Variants in CRB2 observed in about 807,000 individuals in gnomAD.
CRB2 encodes the protein protein crumbs homolog 2.
A neutral mutation model predicts 110.9 loss-of-function variants in CRB2; 85 were observed. The observed-to-expected ratio is 0.77, with a 90% confidence interval of 0.64 to 0.92. CRB2 has a LOEUF of 0.92. Among genes scored for constraint, CRB2 ranks in the 40% least tolerant of loss-of-function variants. The pLI is 0.00. For synonymous variants in CRB2, 907 were observed against 831.0 expected (o/e 1.09, Z -1.57); for missense variants, 1,843 against 1,851.3 (o/e 1.00, Z 0.08).
chr9:123,364,560 G>A (rs1157521838), intron 2 of CRB2, among the ~76,000 whole-genome samples: 1 of 152,160 alleles, frequency 6.6e-6, no homozygotes, highest in Non-Finnish European at 1.5e-5. Flanking sequence ...GTGGGAGTGG[G>A]GATGGGGAGG....
chr9:123,363,931 C>T (rs1451413172), intron 2 of CRB2, among the ~76,000 whole-genome samples: 2 of 152,178 alleles, frequency 1.3e-5, no homozygotes, highest in South Asian at 2.1e-4. Context: ...AGTCTGGGAG[C>T]GAAGCTGAGT....
upstream of CRB2, among the ~76,000 whole-genome samples, chr9:123,355,122 C>A (rs1331383068): frequency 6.6e-6 from 1 of 152,196 alleles, no homozygotes; most frequent in Non-Finnish European, 1.5e-5. Context: ...GATTCTCTCC[C>A]CACTGGGGCT....
intron 5 of CRB2, 103 bp from the exon 6 acceptor site, chr9:123,367,470 G>A: frequency 1.0e-6 from 1 of 963,452 alleles, no homozygotes; most frequent in Non-Finnish European, 1.4e-6. Flanking sequence ...ACCCGAGTCT[G>A]CCCTCTCTCT....
upstream of CRB2, among the ~76,000 whole-genome samples, chr9:123,355,453 GT>G (rs569018971): frequency 3.8e-3 from 584 of 151,918 alleles, 6 homozygotes; most frequent in Middle Eastern, 6.8e-3. Context: ...GAAAGGTTCA[GT>G]TTGGCTGGTG....
In CRB2 at chr9:123,377,334, C is replaced by A; in HGVS notation, c.*272C>A. On this transcript the variant is annotated 3_prime_UTR_variant, in exon 13 of 13. Coordinates refer to ENST00000373631, the MANE Select transcript of CRB2 (RefSeq NM_173689.7). ...GTGCGTGGGAGGGCACACGTGGGTT[C>A]ACAGTGTGTTCAGGAGTGTGTGTAT... 1 of 473,288 alleles carries A rather than the reference C, an allele frequency of 2.1e-6. No homozygotes were observed. Among genetic ancestry groups the A allele is most frequent in the Non-Finnish European group, 3.8e-6 (1 of 263,986 alleles). 29.3% of individuals were successfully genotyped at this position (473,288 alleles called of 1,614,324 possible). A position where few individuals can be genotyped will look rare whatever the true frequency, so the allele number is the denominator to read the frequency against.
chr9:123,364,064 TG>T (rs1289554369), intron 2 of CRB2, among the ~76,000 whole-genome samples: 1 of 151,924 alleles, frequency 6.6e-6, no homozygotes, highest in Non-Finnish European at 1.5e-5. Flanking sequence ...AGGTACAGAT[TG>T]GGGGGCTGGG....
chr9:123,379,246 C>T (rs1366965011), downstream of CRB2, among the ~76,000 whole-genome samples: 1 of 152,114 alleles, frequency 6.6e-6, no homozygotes, highest in Non-Finnish European at 1.5e-5. Context: ...GGTCTGCATT[C>T]CCCCGCCCGC....
intron 10 of CRB2, 119 bp from the exon 11 acceptor site, chr9:123,374,460 A>G (rs2042072605): frequency 1.4e-6 from 1 of 705,958 alleles, no homozygotes. Context: ...CATGCCCAAT[A>G]GAGGAAGGCC....
At position 123,373,859 on chromosome 9, in the gene CRB2, A is replaced by G. The variant is rs1449958262; in HGVS notation, c.3328A>G (p.Thr1110Ala). The change falls in exon 10 of 13, where the codon ACG (threonine) becomes GCG (alanine). Residue 1110 changes from threonine to alanine, a missense_variant. Thr to Ala is a moderately conservative substitution (Grantham distance 58). Coordinates refer to ENST00000373631, the MANE Select transcript of CRB2 (RefSeq NM_173689.7). Reference sequence around the variant, plus strand: ...CCCCTGCGCCCGTGGCCGCTGTCACACGCACCCCGACGGCCGCTTCGAGTG... The same window carrying G: ...CCCCTGCGCCCGTGGCCGCTGTCACGCGCACCCCGACGGCCGCTTCGAGTG... Reference protein sequence around the residue: ...SAPCARGRCHTHPDGRFECRC... With the variant: ...SAPCARGRCHAHPDGRFECRC... 6.4e-7 allele frequency: 1 copy of G among 1,554,598 alleles called. No homozygotes were observed. The highest frequency in any genetic ancestry group is 1.2e-5 in the South Asian group (1 of 85,330).
intron 6 of CRB2, 91 bp downstream of exon 6, chr9:123,367,777 G>A: frequency 2.3e-6 from 2 of 868,600 alleles, no homozygotes; most frequent in East Asian, 2.7e-5. Flanking sequence ...GATTGATGGG[G>A]TCAAGGAGAT....
intron 2 of CRB2, among the ~76,000 whole-genome samples, chr9:123,365,170 C>G (rs1264047313): frequency 6.6e-6 from 1 of 152,118 alleles, no homozygotes; most frequent in Non-Finnish European, 1.5e-5. Context: ...ATCTGAGGCA[C>G]AAGAATCACT....
chr9:123,360,507 G>A (rs2041855504), intron 1 of CRB2, among the ~76,000 whole-genome samples: 1 of 152,150 alleles, frequency 6.6e-6, no homozygotes, highest in Non-Finnish European at 1.5e-5. Context: ...TGGCCTCCTA[G>A]GCTCACTCCT....
Position 123,367,335 on chromosome 9 carries a change from C to T in CRB2, c.918C>T (p.Cys306=), listed in dbSNP as rs1391584162. ...FSFRHAAGFL[C]HCPPGFEGAD... ...TCCGCCATGCTGCGGGTTTCCTGTG[C>T]CACTGCCCTCCTGGCTTTGAGGGTG... The change falls in exon 5 of 13, where the codon TGC becomes TGT. Residue 306 remains cysteine (C), a synonymous_variant. Transcript: ENST00000373631. 1.2e-6 allele frequency: 2 copies of T among 1,603,064 alleles called. No individual in the cohort carries two copies. The highest frequency in any genetic ancestry group is 4.5e-5 in the East Asian group (2 of 44,862).
chr9:123,378,775 G>A (rs2042146681), downstream of CRB2: 1 of 146,764 alleles, frequency 6.8e-6, no homozygotes, highest in East Asian at 2.0e-4. Flanking sequence ...TCCTCTTCCT[G>A]GCTCCTGTGG....
At chr9:123,372,027 A>G (rs1295228415) in intron 8 of CRB2, 150 bp from the exon 9 acceptor site, 1 of 781,174 alleles carries the variant, frequency 1.3e-6, no homozygotes, top group Non-Finnish European at 2.0e-6. Flanking sequence ...TCATCTGTAA[A>G]ATGGGGATCT....
intron 1 of CRB2, 94 bp from the exon 2 acceptor site, chr9:123,362,771 G>A: frequency 8.0e-7 from 1 of 1,245,594 alleles, no homozygotes; most frequent in Admixed American, 2.2e-5. Context: ...GACCCACGTT[G>A]CTTTTGGGGT....
intron 1 of CRB2, among the ~76,000 whole-genome samples, chr9:123,361,096 C>T (rs2041861908): frequency 6.9e-6 from 1 of 145,598 alleles, no homozygotes; most frequent in South Asian, 2.3e-4. Flanking sequence ...GTCCCAGCTG[C>T]TCTGAGATAG....
chr9:123,370,955 C>A lies in CRB2; in HGVS notation c.1902C>A (p.Pro634=). The A allele has an allele frequency of 1.2e-6, 2 of 1,608,252 alleles. No individual in the cohort carries two copies. The highest frequency in any genetic ancestry group is 2.2e-5 in the South Asian group (2 of 90,570). The change falls in exon 7 of 13, where the codon CCC becomes CCA. Residue 634 remains proline, a synonymous_variant. Coordinates refer to ENST00000373631, the MANE Select transcript of CRB2 (RefSeq NM_173689.7). ...WTHFRCDCAR[P]HRGPTCADEI... ...ATTTCCGTTGCGACTGTGCCCGGCC[C>A]CATAGAGGTCCCACGTGCGCTGATG...
At chr9:123,365,791 C>A in intron 2 of CRB2, 126 bp from the exon 3 acceptor site, 2 of 869,968 alleles carry the variant, frequency 2.3e-6, no homozygotes, top group South Asian at 4.1e-5. Context: ...CCAACCACCA[C>A]CACCACCATC....
Sources: gnomAD v4.1 joint callset for allele counts (sites outside exome capture counted in the v4.1 genomes callset) on GRCh38, gnomAD v4.1.1 for gene constraint, MANE v1.5 for transcripts, NCBI Gene and HGNC (gene_info 2026-07-23, HGNC 2026-07-21) for gene names.